The following PLPPR1 variants were observed in gnomAD, a reference collection of about 807,000 sequenced individuals.
The protein encoded by PLPPR1 is phospholipid phosphatase related 1.
In PLPPR1, 10 loss-of-function variants were observed where a neutral mutation model predicts 33.1. The observed-to-expected ratio is 0.30, with a 90% CI of 0.19 to 0.51. The LOEUF is 0.51. PLPPR1 is among the 20% of genes least tolerant of loss of function. The pLI is 0.97. For missense variants in PLPPR1, 304 were observed against 408.1 expected, an observed-to-expected ratio of 0.74 and a Z score of 2.20; for synonymous variants, 151 against 151.0, an observed-to-expected ratio of 1.00 and a Z score of 0.00.
At chr9:101,181,009 A>T (rs891334696) in intron 1 of PLPPR1, among the ~76,000 whole-genome samples, 1 of 151,436 alleles carries the variant, frequency 6.6e-6, no homozygotes, top group Non-Finnish European at 1.5e-5. Context: ...TTTAAAATAT[A>T]TGAAGAACTC....
intron 1 of PLPPR1, among the ~76,000 whole-genome samples, chr9:101,183,898 G>T (rs941741568): frequency 6.6e-6 from 1 of 151,588 alleles, no homozygotes; most frequent in Non-Finnish European, 1.5e-5. Flanking sequence ...GCTTTTTCTC[G>T]TGCCTCTGCC....
In PLPPR1 at chr9:101,066,790, A is replaced by AT. The variant is rs1238110201; in HGVS notation, c.-46+37694dup. Among the ~76,000 whole-genome samples, 7 of 151,974 alleles carry AT rather than the reference A, an allele frequency of 4.6e-5. No individual in the cohort carries two copies. The South Asian group carries it at 6.2e-4, about 14-fold the overall frequency. On this transcript the variant is annotated intron_variant, in intron 1 of 7. Transcript: ENST00000374874. ...TTATTCCCCTGACCTAGAATCAGCC[A>AT]TTTTTTCAAGGATTCCTGGTCCTTT...
intron 2 of PLPPR1, among the ~76,000 whole-genome samples, chr9:101,195,047 G>A (rs1458335801): frequency 6.6e-6 from 1 of 152,182 alleles, no homozygotes; most frequent in Non-Finnish European, 1.5e-5. Flanking sequence ...TCCCATGTGT[G>A]TTGGTTTGAG....
At chr9:101,288,605 TC>T (rs1828437126) in intron 4 of PLPPR1, among the ~76,000 whole-genome samples, 1 of 152,140 alleles carries the variant, frequency 6.6e-6, no homozygotes, top group South Asian at 2.1e-4. Flanking sequence ...ACGCTTTCCC[TC>T]TTTTGTTTTT....
intron 1 of PLPPR1, among the ~76,000 whole-genome samples, chr9:101,120,856 A>G (rs977799788): frequency 1.3e-5 from 2 of 152,212 alleles, no homozygotes; most frequent in African/African-American, 4.8e-5. Context: ...AATCACATCC[A>G]TTGCATTGGA....
chr9:101,088,056 G>A (rs543845303), intron 1 of PLPPR1, among the ~76,000 whole-genome samples: 1 of 152,102 alleles, frequency 6.6e-6, no homozygotes, highest in African/African-American at 2.4e-5. Context: ...AATTAGAAGA[G>A]GACCCTTACT....
intron 2 of PLPPR1, among the ~76,000 whole-genome samples, chr9:101,237,836 T>TATATATAG (rs370193024): frequency 0.061 from 7,962 of 129,662 alleles, 360 homozygotes; most frequent in South Asian, 0.12. Flanking sequence ...TATATATATA[T>TATATATAG]GCTATATATG....
At chr9:101,317,859 T>TA (rs1022856691) in intron 7 of PLPPR1, among the ~76,000 whole-genome samples, 9 of 152,242 alleles carry the variant, frequency 5.9e-5, no homozygotes, top group African/African-American at 2.2e-4. Flanking sequence ...AAGGTTGTGT[T>TA]ACACACAGTG....
chr9:101,056,337 G>C (rs1448147118), intron 1 of PLPPR1, among the ~76,000 whole-genome samples: 1 of 152,192 alleles, frequency 6.6e-6, no homozygotes, highest in East Asian at 1.9e-4. Context: ...GTAAGTTACA[G>C]TGATAGATTT....
chr9:101,055,899 T>G (rs1439725588), intron 1 of PLPPR1, among the ~76,000 whole-genome samples: 4 of 152,220 alleles, frequency 2.6e-5, no homozygotes, highest in Admixed American at 2.0e-4. Flanking sequence ...AGCCACTGTT[T>G]GCTTGGAATA....
intron 1 of PLPPR1, among the ~76,000 whole-genome samples, chr9:101,097,993 T>A (rs79899894): frequency 6.6e-6 from 1 of 151,948 alleles, no homozygotes. Flanking sequence ...ACAGAAGTCC[T>A]TGTGGCCTAT....
intron 2 of PLPPR1, among the ~76,000 whole-genome samples, chr9:101,189,500 G>A (rs1366214438): frequency 6.6e-6 from 1 of 152,108 alleles, no homozygotes; most frequent in East Asian, 1.9e-4. Flanking sequence ...AATGAGGCAT[G>A]TCTGACCCTC....
intron 4 of PLPPR1, among the ~76,000 whole-genome samples, chr9:101,305,681 G>C (rs1427428523): frequency 3.9e-5 from 6 of 152,124 alleles, no homozygotes; most frequent in Admixed American, 3.9e-4. Context: ...AGGGATCCTG[G>C]AATGAGGCCT....
chr9:101,128,492 C>A (rs1246695807), intron 1 of PLPPR1, among the ~76,000 whole-genome samples: 1 of 152,174 alleles, frequency 6.6e-6, no homozygotes, highest in African/African-American at 2.4e-5. Flanking sequence ...AATTCAGTTT[C>A]CATTTGCTGT....
rs753056394 is a variant in PLPPR1, at chr9:101,286,086, TA to T, written c.253-15del. On this transcript the variant is annotated splice_polypyrimidine_tract_variant and intron_variant, in intron 3 of 7. Transcript: ENST00000374874. The stretch of plus-strand genomic sequence containing the variant: ...AACAGATCTCCAACTTGACATTTCT[TA>T]AACATTCCTTCCCTAGATTTTTATT... The T allele has an allele frequency of 1.2e-6, 2 of 1,607,064 alleles. No individual in the cohort carries two copies. Among genetic ancestry groups the T allele is most frequent in the Admixed American group, 3.4e-5 (2 of 59,566 alleles).
chr9:101,206,040 T>G (rs1162422401), intron 2 of PLPPR1, among the ~76,000 whole-genome samples: 2 of 152,128 alleles, frequency 1.3e-5, no homozygotes, highest in Non-Finnish European at 2.9e-5. Flanking sequence ...CCACAAATTA[T>G]ACCATCACAG....
intron 7 of PLPPR1, among the ~76,000 whole-genome samples, chr9:101,318,226 A>T (rs1036748325): frequency 6.6e-6 from 1 of 152,212 alleles, no homozygotes; most frequent in Non-Finnish European, 1.5e-5. Flanking sequence ...GGTAGTCATA[A>T]TATGACATGC....
intron 1 of PLPPR1, among the ~76,000 whole-genome samples, chr9:101,120,747 A>G (rs200230924): frequency 1.4e-4 from 6 of 43,788 alleles, no homozygotes; most frequent in African/African-American, 3.8e-4. Context: ...CACACATCCC[A>G]AATGGCTTAA....
At chr9:101,078,203 AGGGGGAGGGGGAG>A (rs1830572779) in intron 1 of PLPPR1, among the ~76,000 whole-genome samples, 1 of 3,488 alleles carries the variant, frequency 2.9e-4, no homozygotes, top group Non-Finnish European at 6.0e-4. Flanking sequence ...GGGGAGGGGG[AGGGGGAGGGGGAG>A]GGGGGAGGGG....
Sources: gnomAD v4.1 joint callset for allele counts (sites outside exome capture counted in the v4.1 genomes callset) on GRCh38, gnomAD v4.1.1 for gene constraint, MANE v1.5 for transcripts, NCBI Gene and HGNC (gene_info 2026-07-23, HGNC 2026-07-21) for gene names.